THRB: variants seen among roughly 807,000 people sequenced by gnomAD.
THRB encodes nuclear receptor subfamily 1 group A member 2.
A neutral mutation model predicts 47.8 loss-of-function variants in THRB; 12 were observed. The ratio of observed to expected loss-of-function variants is 0.25; its 90% CI spans 0.16 to 0.41. The LOEUF (loss-of-function observed/expected upper bound fraction) is 0.41, where lower values mean the gene tolerates loss of function less well. Among genes scored for constraint, THRB ranks in the 10% least tolerant of loss-of-function variants. The probability of loss-of-function intolerance (pLI) is 1.00; values close to 1 mark genes in which losing one functional copy is unlikely to be tolerated. For synonymous variants in THRB, 218 were observed against 212.2 expected (o/e 1.03, Z -0.24); for missense variants, 348 against 589.2 (o/e 0.59, Z 4.24).
At chr3:24,482,508 A>ATTCG (rs1374910624) in intron 1 of THRB, among the ~76,000 whole-genome samples, 1 of 143,440 alleles carries the variant, frequency 7.0e-6, no homozygotes, top group Non-Finnish European at 1.5e-5. Flanking sequence ...TCATTCATTC[A>ATTCG]TTCGTTCTTT....
At chr3:24,351,431 C>T (rs2063348216) in intron 1 of THRB, among the ~76,000 whole-genome samples, 2 of 151,990 alleles carry the variant, frequency 1.3e-5, no homozygotes, top group African/African-American at 2.4e-5. Flanking sequence ...TGTGTTGCAA[C>T]GAAGTTTGAA....
At chr3:24,147,954 C>T (rs2036332365) in intron 6 of THRB, among the ~76,000 whole-genome samples, 1 of 152,074 alleles carries the variant, frequency 6.6e-6, no homozygotes, top group African/African-American at 2.4e-5. Context: ...AGCGGCACTC[C>T]ACATCTTACT....
intron 9 of THRB, among the ~76,000 whole-genome samples, chr3:24,130,066 T>C (rs767122785): frequency 2.6e-5 from 4 of 151,916 alleles, no homozygotes; most frequent in Non-Finnish European, 5.9e-5. Context: ...CTCTTTTGGG[T>C]TTGAGAGAGA....
intron 4 of THRB, among the ~76,000 whole-genome samples, chr3:24,219,788 G>A (rs892535900): frequency 2.3e-4 from 35 of 152,194 alleles, no homozygotes; most frequent in African/African-American, 8.2e-4. Flanking sequence ...TTAGGCACAA[G>A]AAAAGCCAAG....
At chr3:24,438,521 G>A (rs999933756) in intron 1 of THRB, among the ~76,000 whole-genome samples, 20 of 151,312 alleles carry the variant, frequency 1.3e-4, no homozygotes, top group African/African-American at 4.6e-4. Flanking sequence ...GTGTGTGTGT[G>A]TGTGTGTGTG....
intron 1 of THRB, among the ~76,000 whole-genome samples, chr3:24,342,679 C>T (rs1035868564): frequency 6.6e-6 from 1 of 152,110 alleles, no homozygotes; most frequent in Non-Finnish European, 1.5e-5. Flanking sequence ...GATCTGTGGG[C>T]AAGCAGGTGA....
intron 3 of THRB, among the ~76,000 whole-genome samples, chr3:24,254,399 A>G (rs917540042): frequency 5.3e-5 from 8 of 151,678 alleles, no homozygotes; most frequent in African/African-American, 1.9e-4. Flanking sequence ...TAAAAAAAAA[A>G]AAAGAAAAGA....
chr3:24,233,589 A>AAGAAAGAAAGAAAGAAAGAAAG (rs2048519991), intron 3 of THRB, among the ~76,000 whole-genome samples: 1 of 70,514 alleles, frequency 1.4e-5, no homozygotes, highest in African/African-American at 3.5e-5. Context: ...GAAAGAAAGA[A>AAGAAAGAAAGAAAGAAAGAAAG]AGAAAGAAAG....
intron 4 of THRB, among the ~76,000 whole-genome samples, chr3:24,207,796 T>A (rs1452647146): frequency 6.6e-6 from 1 of 152,222 alleles, no homozygotes; most frequent in Non-Finnish European, 1.5e-5. Flanking sequence ...AAGACAGCGA[T>A]GCCCTCTCTC....
intron 2 of THRB, among the ~76,000 whole-genome samples, chr3:24,324,657 C>A (rs908532868): frequency 1.4e-4 from 21 of 152,124 alleles, no homozygotes; most frequent in Non-Finnish European, 2.6e-4. Flanking sequence ...TTTTCATTAA[C>A]AACATATTAA....
intron 1 of THRB, among the ~76,000 whole-genome samples, chr3:24,463,071 G>A (rs1194604202): frequency 6.6e-6 from 1 of 152,218 alleles, no homozygotes; most frequent in Admixed American, 6.5e-5. Flanking sequence ...CAAAGAGCTT[G>A]ATTTGCCCTG....
Position 24,461,336 on chromosome 3 carries a change from G to C in THRB, c.-261+33316C>G, listed in dbSNP as rs140340040. ...GATAAAAGTAGCACCTACTTCAGTG[G>C]GATGTTGTGAGAATTAAGCGTAATG... is the stretch of plus-strand genomic sequence containing the variant. On this transcript the variant is annotated intron_variant, in intron 1 of 10. Transcript: ENST00000646209. Among the ~76,000 whole-genome samples, 17 of 152,244 alleles carry C rather than the reference G, an allele frequency of 1.1e-4. No homozygotes were observed. The East Asian group carries it at 2.7e-3, about 24-fold the overall frequency.
intron 3 of THRB, among the ~76,000 whole-genome samples, chr3:24,284,511 A>C (rs953469914): frequency 2.6e-5 from 4 of 152,016 alleles, no homozygotes; most frequent in African/African-American, 9.7e-5. Flanking sequence ...CATTCAGGAC[A>C]TAGGCATGGG....
At chr3:24,298,967 G>A (rs1326175155) in intron 2 of THRB, among the ~76,000 whole-genome samples, 1 of 152,072 alleles carries the variant, frequency 6.6e-6, no homozygotes, top group Non-Finnish European at 1.5e-5. Flanking sequence ...AGTAATTCAG[G>A]CCGGGCGCGG....
chr3:24,133,328 A>G lies in THRB; in HGVS notation c.873T>C (p.Pro291=). ...TRVVDFAKKL[P]MFCELPCEDQ... ...ACAACATCCTCACCTCACAAAACAT[A>G]GGCAACTTTTTGGCAAAATCCACCA... Residue 291 remains proline, a synonymous_variant, in exon 9 of 11, where the codon CCT becomes CCC. Transcript: ENST00000646209. The G allele has an allele frequency of 6.2e-7, 1 of 1,614,192 alleles. No individual in the cohort carries two copies. The highest frequency in any genetic ancestry group is 8.5e-7 in the Non-Finnish European group (1 of 1,180,020).
At chr3:24,462,109 C>T (rs1395806930) in intron 1 of THRB, among the ~76,000 whole-genome samples, 1 of 151,932 alleles carries the variant, frequency 6.6e-6, no homozygotes, top group East Asian at 1.9e-4. Flanking sequence ...CTAAAATGAG[C>T]ATTCATTACT....
chr3:24,146,558 A>C, intron 7 of THRB, 117 bp downstream of exon 7: 17 of 1,077,606 alleles, frequency 1.6e-5, no homozygotes, highest in Non-Finnish European at 2.3e-5. Context: ...AAAGTAAGGT[A>C]TTCCCTTCTC....
At chr3:24,494,914 C>T (rs1304222827), upstream of THRB, 1 of 152,330 alleles carries the variant, frequency 6.6e-6, no homozygotes, top group African/African-American at 2.4e-5. Flanking sequence ...GCGGCGGGGT[C>T]CCGGGGAGCG....
At chr3:24,448,753 C>T (rs2072347745) in intron 1 of THRB, among the ~76,000 whole-genome samples, 1 of 152,172 alleles carries the variant, frequency 6.6e-6, no homozygotes, top group African/African-American at 2.4e-5. Context: ...GTTCAAGAGT[C>T]AGCAAGTTCT....
Sources: gnomAD v4.1 joint callset for allele counts (sites outside exome capture counted in the v4.1 genomes callset) on GRCh38, gnomAD v4.1.1 for gene constraint, MANE v1.5 for transcripts, NCBI Gene and HGNC (gene_info 2026-07-23, HGNC 2026-07-21) for gene names.